Variants in PAK3 observed in about 807,000 individuals in gnomAD.
PAK3 encodes p21 (RAC1) activated kinase 3, also known as serine/threonine-protein kinase PAK 3.
Under a neutral mutation model 41.0 loss-of-function variants are expected in PAK3, and 4 were observed. The observed-to-expected ratio is 0.10, with a 90% confidence interval of 0.05 to 0.22. The LOEUF is 0.22. Ranked by LOEUF, PAK3 falls within the 10% of genes least tolerant of loss-of-function variation. PAK3 has a pLI of 1.00. For missense variants in PAK3, 205 were observed against 409.9 expected, an observed-to-expected ratio of 0.50 and a Z score of 4.32; for synonymous variants, 146 against 139.6, an observed-to-expected ratio of 1.05 and a Z score of -0.32.
intron 4 of PAK3, among the ~76,000 whole-genome samples, chrX:111,114,442 A>C (rs1298560986): frequency 8.9e-6 from 1 of 112,455 alleles, no homozygotes; most frequent in Admixed American, 9.4e-5. Context: ...CTCAAAGAGT[A>C]GTACCTCTCT....
At chrX:111,113,490 T>C (rs956023550) in intron 4 of PAK3, among the ~76,000 whole-genome samples, 1 of 111,708 alleles carries the variant, frequency 9.0e-6, no homozygotes, top group Non-Finnish European at 1.9e-5. Flanking sequence ...ATTTCTTATA[T>C]AGCAATAAGA....
intron 1 of PAK3, among the ~76,000 whole-genome samples, chrX:111,033,896 AT>A (rs1277674442): frequency 9.1e-6 from 1 of 110,448 alleles, no homozygotes; most frequent in Non-Finnish European, 1.9e-5. Context: ...TTATTTTGCA[AT>A]TATGTGAGAG....
intron 1 of PAK3, among the ~76,000 whole-genome samples, chrX:110,956,871 T>C (rs1041934022): frequency 1.8e-5 from 2 of 111,910 alleles, no homozygotes; most frequent in African/African-American, 6.5e-5. Context: ...TCAATAGAGC[T>C]GGGAATTAAG....
At chrX:111,134,459 G>A (rs1472879935) in intron 5 of PAK3, among the ~76,000 whole-genome samples, 1 of 111,868 alleles carries the variant, frequency 8.9e-6, no homozygotes, top group Non-Finnish European at 1.9e-5. Context: ...ATATAATGAA[G>A]GTCATTCATT....
intron 1 of PAK3, among the ~76,000 whole-genome samples, chrX:110,985,601 G>T (rs2091527705): frequency 8.9e-6 from 1 of 112,107 alleles, no homozygotes; most frequent in African/African-American, 3.2e-5. Context: ...AAATGAGATG[G>T]CCAGAAAATG....
rs766301685 is a variant in PAK3 at position 111,053,551 on chromosome X, G to A, written c.-27-69526G>A. ...ATTTGCTCAAAGATTCATTCTAGGCGCAGGCACTTTCTACATACTCCATAC... is the reference window on the plus strand; with the variant it reads ...ATTTGCTCAAAGATTCATTCTAGGCACAGGCACTTTCTACATACTCCATAC... On this transcript the variant is annotated intron_variant, in intron 1 of 14. Transcript: ENST00000425146. Among the ~76,000 whole-genome samples, 64 of 111,407 alleles carry A rather than the reference G, an allele frequency of 5.7e-4. No individual in the cohort carries two copies. The Admixed American group carries it at 6.1e-3, about 11-fold the overall frequency.
intron 11 of PAK3, among the ~76,000 whole-genome samples, chrX:111,185,920 G>A (rs2094505601): frequency 9.0e-6 from 1 of 111,285 alleles, no homozygotes; most frequent in African/African-American, 3.3e-5. Context: ...ACTGAATCCA[G>A]CAGCACAGCA....
In PAK3 at chrX:110,988,943, C is replaced by T. The variant is rs764134782; in HGVS notation, c.-28+44315C>T. 6.2e-5 allele frequency among the ~76,000 whole-genome samples: 7 copies of T among 112,448 alleles called. No homozygotes were observed. The Admixed American group carries it at 6.6e-4, about 11-fold the overall frequency. ...AGCTCTTGTCCAAACAACTGCTCCT[C>T]CTTTCCTTCTCCCAGACTTTGATAT... On this transcript the variant is annotated intron_variant, in intron 1 of 14. Coordinates refer to the PAK3 transcript ENST00000425146.
intron 3 of PAK3, chrX:111,098,851 T>G (rs944031652): frequency 9.0e-6 from 1 of 111,677 alleles, no homozygotes; most frequent in Non-Finnish European, 1.9e-5. Flanking sequence ...AACCTTTACT[T>G]CGGAAGGTAA....
At chrX:111,155,214 A>G (rs2094087536) in intron 8 of PAK3, among the ~76,000 whole-genome samples, 1 of 111,051 alleles carries the variant, frequency 9.0e-6, no homozygotes, top group Non-Finnish European at 1.9e-5. Flanking sequence ...TACAGTATGG[A>G]TAGTGGCTGA....
At chrX:111,219,184 C>T (rs1188884045) in intron 17 of PAK3, among the ~76,000 whole-genome samples, 2 of 72,283 alleles carry the variant, frequency 2.8e-5, no homozygotes, top group Non-Finnish European at 5.6e-5. Flanking sequence ...AGCAAGAGTC[C>T]ATCTCAAATA....
chrX:111,127,269 G>C (rs1321502152), intron 5 of PAK3, among the ~76,000 whole-genome samples: 1 of 110,738 alleles, frequency 9.0e-6, no homozygotes, highest in East Asian at 2.8e-4. Context: ...GATATTTGAG[G>C]GTCTTTCCAA....
intron 1 of PAK3, among the ~76,000 whole-genome samples, chrX:111,074,540 C>G (rs184427219): frequency 1.4e-4 from 16 of 111,746 alleles, no homozygotes; most frequent in Non-Finnish European, 2.6e-4. Flanking sequence ...GCTGCAGAAC[C>G]GTGAACTAAT....
chrX:111,109,084 G>T (rs960855261), intron 4 of PAK3, among the ~76,000 whole-genome samples: 4 of 111,713 alleles, frequency 3.6e-5, no homozygotes, highest in Non-Finnish European at 7.5e-5. Flanking sequence ...TGCTTCTTAG[G>T]CCTTTTGGCT....
chrX:111,061,262 G>A (rs896720007), intron 1 of PAK3, among the ~76,000 whole-genome samples: 5 of 110,795 alleles, frequency 4.5e-5, no homozygotes, highest in African/African-American at 1.6e-4. Context: ...TTGAATAGTC[G>A]GGCTTTTCAT....
chrX:110,998,733 T>C (rs750443728), intron 1 of PAK3, among the ~76,000 whole-genome samples: 16 of 112,512 alleles, frequency 1.4e-4, no homozygotes, highest in Non-Finnish European at 2.6e-4. Flanking sequence ...ATTCAGCACC[T>C]TCTATGGTCC....
intron 10 of PAK3, among the ~76,000 whole-genome samples, chrX:111,167,339 A>G (rs1050338499): frequency 9.0e-6 from 1 of 110,963 alleles, no homozygotes; most frequent in African/African-American, 3.3e-5. Context: ...AAGATGGCCA[A>G]TATCCCATAC....
chrX:111,143,557 C>A (rs1603297775), intron 6 of PAK3, among the ~76,000 whole-genome samples: 1 of 110,920 alleles, frequency 9.0e-6, no homozygotes, highest in Middle Eastern at 4.6e-3. Context: ...GAGTGTGAAC[C>A]CATTCTTTAC....
intron 10 of PAK3, among the ~76,000 whole-genome samples, chrX:111,170,659 G>A (rs1340093355): frequency 9.0e-6 from 1 of 111,455 alleles, no homozygotes; most frequent in African/African-American, 3.3e-5. Context: ...TCAAGAAGCA[G>A]CATGTAAGTC....
Sources: allele counts gnomAD v4.1 joint callset (sites outside exome capture counted in the v4.1 genomes callset), GRCh38; gene constraint gnomAD v4.1.1; transcripts MANE v1.5; gene names NCBI Gene and HGNC (gene_info 2026-07-23, HGNC 2026-07-21).